The following FAT3 variants were observed in gnomAD, a reference collection of about 807,000 sequenced individuals.
FAT3 encodes protocadherin Fat 3.
Under a neutral mutation model 310.2 loss-of-function variants are expected in FAT3, and 95 were observed. That is an observed-to-expected ratio of 0.31 (90% CI 0.26 to 0.36). FAT3 has a LOEUF of 0.36. Ranked by LOEUF, FAT3 falls within the 10% of genes least tolerant of loss-of-function variation. FAT3 has a pLI of 1.00. For missense variants in FAT3, 5,408 were observed against 5,715.6 expected (o/e 0.95, Z 1.74); for synonymous variants, 2,314 against 2,192.9 (o/e 1.06, Z -1.54).
intron 2 of FAT3, among the ~76,000 whole-genome samples, chr11:92,380,251 A>T (rs1378562115): frequency 6.6e-6 from 1 of 152,146 alleles, no homozygotes; most frequent in Non-Finnish European, 1.5e-5. Context: ...TTGACCTTTG[A>T]CATTCCTTGT....
At chr11:92,851,352 T>C (rs1948825286) in intron 19 of FAT3, among the ~76,000 whole-genome samples, 1 of 152,202 alleles carries the variant, frequency 6.6e-6, no homozygotes, top group African/African-American at 2.4e-5. Context: ...TGCTTTCACA[T>C]ACACTAGCCC....
At chr11:92,266,022 C>G (rs1945935543) in intron 1 of FAT3, among the ~76,000 whole-genome samples, 5 of 152,094 alleles carry the variant, frequency 3.3e-5, no homozygotes, top group Admixed American at 3.3e-4. Flanking sequence ...TTGAACTTAA[C>G]TTTAACATTT....
At chr11:92,787,529 C>T (rs940772743) in intron 7 of FAT3, among the ~76,000 whole-genome samples, 2 of 151,702 alleles carry the variant, frequency 1.3e-5, no homozygotes, top group African/African-American at 4.8e-5. Context: ...ACTTTATATT[C>T]CTAGTTGGAT....
rs1313177818 is a variant in FAT3 at position 92,805,221 on chromosome 11, C to G, written c.8965C>G (p.Pro2989Ala). Residue 2989 changes from proline (P) to alanine (A), a missense_variant, in exon 11 of 28, where the codon CCT becomes GCT. Pro to Ala is a conservative substitution (Grantham distance 27, BLOSUM62 -1). Transcript: ENST00000525166. ...QSEWKVYVKR[P>A]LDREEQDIYF... ...TGAGTGGAAGGTCTATGTGAAGAGG[C>G]CTCTAGACAGAGAAGAACAGGACAT... The G allele has an allele frequency of 1.2e-6, 2 of 1,613,778 alleles. No individual in the cohort carries two copies. Among genetic ancestry groups the G allele is most frequent in the Middle Eastern group, 1.7e-4 (1 of 6,060 alleles).
At chr11:92,525,843 A>G (rs755003017) in intron 3 of FAT3, among the ~76,000 whole-genome samples, 9 of 152,202 alleles carry the variant, frequency 5.9e-5, no homozygotes, top group Non-Finnish European at 8.8e-5. Flanking sequence ...CTACTAATCT[A>G]GTTGATGGTC....
chr11:92,779,877 A>G (rs1353839257), intron 7 of FAT3, among the ~76,000 whole-genome samples: 1 of 152,148 alleles, frequency 6.6e-6, no homozygotes, highest in Non-Finnish European at 1.5e-5. Context: ...CATCATTTCT[A>G]ATTTGAATAT....
rs1304459589 is a variant in FAT3 at position 92,345,757 on chromosome 11, G to A, written c.-17-6339G>A. On this transcript the variant is annotated intron_variant, in intron 1 of 27. Coordinates refer to ENST00000525166, the MANE Select transcript of FAT3 (RefSeq NM_001367949.2). ...CCTAAAGGAGGCAAGAGCTGTCAGAGTCAAATTCACAGTGGAGATCTCAGG... is the reference window on the plus strand; with the variant it reads ...CCTAAAGGAGGCAAGAGCTGTCAGAATCAAATTCACAGTGGAGATCTCAGG... Among the ~76,000 whole-genome samples, 6 of 152,316 alleles carry A rather than the reference G, an allele frequency of 3.9e-5. No homozygotes were observed. The South Asian group carries it at 6.2e-4, about 16-fold the overall frequency.
intron 15 of FAT3, among the ~76,000 whole-genome samples, chr11:92,835,456 AGATCTGTTGCACAGCAT>A: frequency 6.6e-6 from 1 of 151,992 alleles, no homozygotes; most frequent in East Asian, 1.9e-4. Flanking sequence ...CTTTTTTTTG[AGATCTGTTGCACAGCAT>A]GATGAATATA....
At chr11:92,371,718 C>G (rs1426250951) in intron 2 of FAT3, among the ~76,000 whole-genome samples, 1 of 151,968 alleles carries the variant, frequency 6.6e-6, no homozygotes, top group African/African-American at 2.4e-5. Context: ...CTCTGTACAC[C>G]CCTCCCTGCC....
chr11:92,749,581 G>C (rs1945773476), intron 4 of FAT3, among the ~76,000 whole-genome samples: 1 of 152,142 alleles, frequency 6.6e-6, no homozygotes, highest in Non-Finnish European at 1.5e-5. Flanking sequence ...ACAGAAGTAA[G>C]GAAAGGCAGT....
At chr11:92,500,505 GA>G (rs1952906201) in intron 2 of FAT3, among the ~76,000 whole-genome samples, 1 of 151,982 alleles carries the variant, frequency 6.6e-6, no homozygotes, top group African/African-American at 2.4e-5. Flanking sequence ...TCAAAATAGT[GA>G]CATCTGTTAC....
chr11:92,836,489 C>T lies in FAT3; in HGVS notation c.10087-77C>T, dbSNP rs190139026. 1,503 of 1,535,136 alleles carry T rather than the reference C, an allele frequency of 9.8e-4. 5 individuals are homozygous for T. The highest frequency in any genetic ancestry group is 5.3e-3 in the Admixed American group (269 of 51,078). On this transcript the variant is annotated intron_variant, in intron 15 of 27. Transcript: ENST00000525166. The stretch of plus-strand genomic sequence containing the variant: ...ACTGTCACAGCTGCACCCATTTAAA[C>T]AGACCTGGGACCCTAAGAATCAACC...
chr11:92,318,441 G>A (rs765592785), intron 1 of FAT3, among the ~76,000 whole-genome samples: 1 of 152,160 alleles, frequency 6.6e-6, no homozygotes, highest in African/African-American at 2.4e-5. Flanking sequence ...GAAGGGAGAG[G>A]TAATAGGGAG....
chr11:92,609,258 T>C (rs1940452528), intron 3 of FAT3, among the ~76,000 whole-genome samples: 1 of 152,170 alleles, frequency 6.6e-6, no homozygotes, highest in South Asian at 2.1e-4. Context: ...AAGCAAACTT[T>C]TAAGTCATTC....
intron 3 of FAT3, among the ~76,000 whole-genome samples, chr11:92,569,522 C>G (rs377602066): frequency 6.6e-6 from 1 of 152,110 alleles, no homozygotes; most frequent in East Asian, 1.9e-4. Context: ...AGAACAAGGC[C>G]TCAAAAACAC....
chr11:92,804,597 T>G (rs1273553717), intron 10 of FAT3, among the ~76,000 whole-genome samples: 1 of 152,208 alleles, frequency 6.6e-6, no homozygotes, highest in Non-Finnish European at 1.5e-5. Flanking sequence ...AAATGACCCC[T>G]CGTTAGGGCT....
chr11:92,682,477 G>A (rs553599508), intron 3 of FAT3, among the ~76,000 whole-genome samples: 4 of 152,234 alleles, frequency 2.6e-5, no homozygotes, highest in Middle Eastern at 3.4e-3. Context: ...CTCCTAGCTG[G>A]GCCTTACTTT....
chr11:92,820,647 C>T (rs1263843164), intron 13 of FAT3, among the ~76,000 whole-genome samples: 2 of 152,126 alleles, frequency 1.3e-5, no homozygotes, highest in Non-Finnish European at 2.9e-5. Flanking sequence ...TCCATTTGAG[C>T]TTCCAGATGA....
intron 19 of FAT3, among the ~76,000 whole-genome samples, chr11:92,847,824 A>G (rs948202053): frequency 2.6e-5 from 4 of 152,292 alleles, no homozygotes; most frequent in African/African-American, 7.2e-5. Context: ...AAATACAACC[A>G]TGAATTGTTA....
Sources: gnomAD v4.1 joint callset for allele counts (sites outside exome capture counted in the v4.1 genomes callset) on GRCh38, gnomAD v4.1.1 for gene constraint, MANE v1.5 for transcripts, NCBI Gene and HGNC (gene_info 2026-07-23, HGNC 2026-07-21) for gene names.